The following GRM7 variants were observed in gnomAD, a reference collection of about 807,000 sequenced individuals.
GRM7 encodes the protein glutamate metabotropic receptor 7.
GRM7 carries 35 observed loss-of-function variants against 84.5 expected under a neutral mutation model. The ratio of observed to expected loss-of-function variants is 0.41; its 90% confidence interval spans 0.32 to 0.55. GRM7 has a LOEUF of 0.55. Ranked by LOEUF, GRM7 falls within the 20% of genes least tolerant of loss-of-function variation. The pLI, the probability that GRM7 is intolerant of heterozygous loss-of-function variation, is 0.19. For missense variants in GRM7, 1,003 were observed against 1,194.6 expected (o/e 0.84, Z 2.36); for synonymous variants, 487 against 455.1 (o/e 1.07, Z -0.89).
intron 2 of GRM7, among the ~76,000 whole-genome samples, chr3:7,196,248 G>A (rs115553870): frequency 1.3e-5 from 2 of 152,180 alleles, no homozygotes; most frequent in Non-Finnish European, 2.9e-5. Flanking sequence ...GTCTTTAACT[G>A]ATTAGGTAAG....
At chr3:7,447,157 G>A (rs755181362) in intron 5 of GRM7, among the ~76,000 whole-genome samples, 4 of 152,226 alleles carry the variant, frequency 2.6e-5, no homozygotes, top group African/African-American at 4.8e-5. Flanking sequence ...TATCTAAACC[G>A]CAGACTCTTT....
intron 1 of GRM7, among the ~76,000 whole-genome samples, chr3:6,891,798 A>T (rs1352340963): frequency 2.0e-5 from 3 of 152,136 alleles, no homozygotes; most frequent in Non-Finnish European, 4.4e-5. Flanking sequence ...AGATTGGGGA[A>T]GTTCTCCTTT....
Position 7,188,356 on chromosome 3 carries a change from T to C in GRM7, c.736+41688T>C, listed in dbSNP as rs1231491892. On this transcript the variant is annotated intron_variant, in intron 2 of 9. Coordinates refer to ENST00000357716, the MANE Select transcript of GRM7 (RefSeq NM_000844.4). The surrounding 1 kb of genome is among the most constrained non-coding windows in gnomAD (Gnocchi z 4.2). ...ATAATATAATCTGTAATTAAAACTTTAGTCTGACAATAAGATTCTAGGTGT... is the reference window on the plus strand; with the variant it reads ...ATAATATAATCTGTAATTAAAACTTCAGTCTGACAATAAGATTCTAGGTGT... Among the ~76,000 whole-genome samples the C allele has an allele frequency of 6.6e-6, 1 of 152,300 alleles. No homozygotes were observed. Among genetic ancestry groups the C allele is most frequent in the Non-Finnish European group, 1.5e-5 (1 of 68,032 alleles).
At chr3:7,257,081 A>T (rs1698236897) in intron 2 of GRM7, among the ~76,000 whole-genome samples, 1 of 152,166 alleles carries the variant, frequency 6.6e-6, no homozygotes, top group Admixed American at 6.5e-5. Flanking sequence ...GGTTCAGTAC[A>T]CTCACTAAAA....
At chr3:7,647,221 G>C (rs1468019917) in intron 8 of GRM7, among the ~76,000 whole-genome samples, 1 of 152,214 alleles carries the variant, frequency 6.6e-6, no homozygotes, top group African/African-American at 2.4e-5. Flanking sequence ...CAAAGAATTA[G>C]AGCTTAACTC....
intron 1 of GRM7, among the ~76,000 whole-genome samples, chr3:6,883,934 C>T (rs1408902383): frequency 6.6e-6 from 1 of 152,206 alleles, no homozygotes; most frequent in Non-Finnish European, 1.5e-5. Flanking sequence ...GGGCAGAGAT[C>T]ATCAGCACAA....
intron 2 of GRM7, among the ~76,000 whole-genome samples, chr3:7,229,991 C>T (rs1218704833): frequency 1.3e-5 from 2 of 150,422 alleles, no homozygotes; most frequent in Admixed American, 6.6e-5. Context: ...AGGCGCCCAC[C>T]ACCACGCCTG....
At chr3:7,332,582 A>G (rs908792965) in intron 4 of GRM7, among the ~76,000 whole-genome samples, 2 of 152,150 alleles carry the variant, frequency 1.3e-5, no homozygotes, top group Non-Finnish European at 2.9e-5. Flanking sequence ...TGAGTTAAAG[A>G]CATGTTTCTC....
intron 1 of GRM7, among the ~76,000 whole-genome samples, chr3:6,877,486 C>A (rs1490189073): frequency 2.0e-5 from 3 of 152,164 alleles, no homozygotes; most frequent in Non-Finnish European, 4.4e-5. Context: ...TACCTGCCAT[C>A]CCCTGCTACT....
At chr3:7,519,736 A>C (rs1243090942) in intron 7 of GRM7, 1 of 152,216 alleles carries the variant, frequency 6.6e-6, no homozygotes, top group Non-Finnish European at 1.5e-5. Context: ...CAAACAAGAC[A>C]AATTTGTTTT....
chr3:7,205,495 A>AG (rs1343564833), intron 2 of GRM7, among the ~76,000 whole-genome samples: 1 of 152,162 alleles, frequency 6.6e-6, no homozygotes, highest in East Asian at 1.9e-4. Flanking sequence ...CCATACACCA[A>AG]GTGTGATTAT....
chr3:7,580,079 C>T (rs1432178403), intron 8 of GRM7, among the ~76,000 whole-genome samples: 1 of 152,204 alleles, frequency 6.6e-6, no homozygotes, highest in Admixed American at 6.5e-5. Flanking sequence ...TTTGCTAGTT[C>T]ACATGCACCT....
At chr3:7,125,073 G>T (rs1693352707) in intron 1 of GRM7, among the ~76,000 whole-genome samples, 1 of 152,116 alleles carries the variant, frequency 6.6e-6, no homozygotes, top group African/African-American at 2.4e-5. Context: ...CTGAGTAGCT[G>T]GGACTACAGG....
chr3:7,602,350 C>A (rs995272244), intron 8 of GRM7, among the ~76,000 whole-genome samples: 5 of 152,080 alleles, frequency 3.3e-5, no homozygotes, highest in Admixed American at 1.3e-4. Context: ...AGAATGAACA[C>A]CAAAATTTAA....
chr3:7,063,941 A>C (rs1697525768), intron 1 of GRM7, among the ~76,000 whole-genome samples: 1 of 151,640 alleles, frequency 6.6e-6, no homozygotes, highest in African/African-American at 2.4e-5. Context: ...ACACAATGAA[A>C]ATTTAATTCG....
intron 2 of GRM7, among the ~76,000 whole-genome samples, chr3:7,277,191 CT>C: frequency 6.6e-6 from 1 of 152,134 alleles, no homozygotes; most frequent in East Asian, 1.9e-4. Flanking sequence ...CTCACAAAGA[CT>C]TTATCCTTTC....
intron 8 of GRM7, among the ~76,000 whole-genome samples, chr3:7,603,500 T>A (rs1431592325): frequency 6.6e-6 from 1 of 152,186 alleles, no homozygotes; most frequent in African/African-American, 2.4e-5. Context: ...TTCTAGGTTT[T>A]GTTACATCCC....
rs749275644 is a variant in GRM7, at chr3:7,578,860, G to A, written c.1954G>A (p.Val652Met). The A allele has an allele frequency of 6.2e-7, 1 of 1,614,136 alleles. No individual in the cohort carries two copies. The highest frequency in any genetic ancestry group is 8.5e-7 in the Non-Finnish European group (1 of 1,180,002). Residue 652 changes from valine (V) to methionine (M), a missense_variant, in exon 8 of 10, where the codon GTG (valine) becomes ATG (methionine). By Grantham distance (21) the Val-to-Met change is conservative. Around this residue, in one of 2 missense-constraint regions of GRM7, gnomAD observed 910 missense variants for 1,126.0 expected, o/e 0.81. Transcript: ENST00000357716. Reference protein sequence around the residue: ...ITFLMIAKPDVAVCSFRRVFL... With the variant: ...ITFLMIAKPDMAVCSFRRVFL... ...TTTCCTGATGATTGCCAAACCAGAT[G>A]TGGCAGTGTGTTCTTTCCGGCGAGT...
At chr3:7,301,372 CT>C (rs1364311434) in intron 3 of GRM7, among the ~76,000 whole-genome samples, 2 of 152,152 alleles carry the variant, frequency 1.3e-5, no homozygotes, top group Non-Finnish European at 2.9e-5. Context: ...TAATATTACT[CT>C]TTCTGTTCCA....
Sources: allele counts gnomAD v4.1 joint callset (sites outside exome capture counted in the v4.1 genomes callset), GRCh38; gene constraint gnomAD v4.1.1; regional missense constraint gnomAD v4.1.1; non-coding constraint Gnocchi (gnomAD v3.1); transcripts MANE v1.5; gene names NCBI Gene and HGNC (gene_info 2026-07-23, HGNC 2026-07-21).